Variants in ENPEP observed in about 807,000 individuals in gnomAD.
ENPEP encodes AP-A.
In ENPEP, 103 loss-of-function variants were observed where a neutral mutation model predicts 114.5. The ratio of observed to expected loss-of-function variants is 0.90; its 90% CI spans 0.77 to 1.06. The LOEUF is 1.06. ENPEP is among the 50% of genes least tolerant of loss of function. ENPEP has a pLI of 0.00. For missense variants in ENPEP, 1,196 were observed against 1,161.3 expected, an observed-to-expected ratio of 1.03 and a Z score of -0.43; for synonymous variants, 420 against 422.0, an observed-to-expected ratio of 1.00 and a Z score of 0.06.
intron 8 of ENPEP, chr4:110,519,363 T>C (rs1725897805): frequency 4.4e-6 from 1 of 225,206 alleles, no homozygotes; most frequent in Non-Finnish European, 9.2e-6. Flanking sequence ...AGGACAATTC[T>C]AGAAAGCAAC....
intron 3 of ENPEP, 142 bp downstream of exon 3, chr4:110,491,306 T>C: frequency 1.4e-6 from 1 of 704,634 alleles, no homozygotes; most frequent in Non-Finnish European, 2.2e-6. Flanking sequence ...GACTTGATAA[T>C]ACATAGAAAA....
At chr4:110,523,330 C>T (rs1306615459) in intron 10 of ENPEP, among the ~76,000 whole-genome samples, 1 of 152,120 alleles carries the variant, frequency 6.6e-6, no homozygotes, top group Non-Finnish European at 1.5e-5. Context: ...TGTAAAATGT[C>T]CCTCTCCCCC....
At chr4:110,499,992 T>C (rs1387184362) in intron 3 of ENPEP, 1 of 152,204 alleles carries the variant, frequency 6.6e-6, no homozygotes, top group African/African-American at 2.4e-5. Context: ...GTAATCATAA[T>C]ACTATCGCTG....
rs1423918856 is a variant in ENPEP, at chr4:110,562,496, G to A, written c.*938G>A. The A allele has an allele frequency of 6.6e-6, 1 of 152,142 alleles. No individual in the cohort carries two copies. The highest frequency in any genetic ancestry group is 1.5e-5 in the Non-Finnish European group (1 of 67,990). The allele number at this position is 152,142 out of a possible 1,614,324, so 9.4% of individuals were successfully genotyped here. On this transcript the variant is annotated 3_prime_UTR_variant, in exon 20 of 20. Transcript: ENST00000265162. ...TATTTCTTAAAACTAAATGGAATTA[G>A]AATTTAGCTTTGACCTCACCTAGCA... is the stretch of plus-strand genomic sequence containing the variant.
intron 18 of ENPEP, among the ~76,000 whole-genome samples, chr4:110,554,912 A>T (rs1727419789): frequency 6.6e-6 from 1 of 152,046 alleles, no homozygotes; most frequent in South Asian, 2.1e-4. Flanking sequence ...ATATTTCTCA[A>T]GGCCTATTTG....
At position 110,542,926 on chromosome 4, in the gene ENPEP, C is replaced by T. The variant is rs770997249; in HGVS notation, c.1944+39C>T. On this transcript the variant is annotated intron_variant, in intron 12 of 19. Transcript: ENST00000265162. ...ATGGTTGGAAACTTTTATTTTTGTT[C>T]TAAGAACAGCATCTTAATGATATTA... 3.1e-5 allele frequency: 50 copies of T among 1,610,360 alleles called. 1 individual carries two copies. The South Asian group carries it at 5.1e-4, about 16-fold the overall frequency.
chr4:110,493,747 C>A (rs560616285), intron 3 of ENPEP, among the ~76,000 whole-genome samples: 3 of 152,272 alleles, frequency 2.0e-5, no homozygotes, highest in Admixed American at 1.3e-4. Flanking sequence ...ATAGTTGACA[C>A]CCACCCAAGT....
At chr4:110,489,076 TG>T (rs1372847802) in intron 2 of ENPEP, among the ~76,000 whole-genome samples, 1 of 152,194 alleles carries the variant, frequency 6.6e-6, no homozygotes, top group African/African-American at 2.4e-5. Context: ...GTTTTTGTTT[TG>T]TTTTTTTGAA....
chr4:110,537,075 G>T (rs1364736637), intron 11 of ENPEP, among the ~76,000 whole-genome samples: 2 of 152,156 alleles, frequency 1.3e-5, no homozygotes, highest in Admixed American at 6.5e-5. Flanking sequence ...TCTTCAGCGA[G>T]TTGTAATCTT....
intron 10 of ENPEP, among the ~76,000 whole-genome samples, chr4:110,522,488 GT>G (rs936128805): frequency 4.6e-5 from 7 of 152,030 alleles, no homozygotes; most frequent in African/African-American, 1.7e-4. Flanking sequence ...GCCAATAGGC[GT>G]TCTTTAAAAG....
chr4:110,535,491 T>C (rs749606078), intron 11 of ENPEP, among the ~76,000 whole-genome samples: 4 of 152,238 alleles, frequency 2.6e-5, no homozygotes, highest in Non-Finnish European at 4.4e-5. Context: ...ATGGGTTCAG[T>C]TTTGCTGGTT....
At chr4:110,494,185 G>A (rs1254899740) in intron 3 of ENPEP, among the ~76,000 whole-genome samples, 2 of 152,150 alleles carry the variant, frequency 1.3e-5, no homozygotes, top group East Asian at 3.9e-4. Context: ...TGATCCCCAG[G>A]AACCTGTTTC....
chr4:110,562,271 T>C lies in ENPEP; in HGVS notation c.*713T>C, dbSNP rs1349508599. 2 of 152,180 alleles carry C rather than the reference T, an allele frequency of 1.3e-5. No homozygotes were observed. Among genetic ancestry groups the C allele is most frequent in the Non-Finnish European group, 1.5e-5 (1 of 68,006 alleles). The allele number at this position is 152,180 out of a possible 1,614,324, so 9.4% of individuals were successfully genotyped here. On this transcript the variant is annotated 3_prime_UTR_variant, in exon 20 of 20. Coordinates refer to ENST00000265162, the MANE Select transcript of ENPEP (RefSeq NM_001977.4). ...AAAAATAACTGCAGTGTTCCCCAAATAATTTAACACATTGCAAATATGATT... is the reference window on the plus strand; with the variant it reads ...AAAAATAACTGCAGTGTTCCCCAAACAATTTAACACATTGCAAATATGATT...
chr4:110,554,538 TGTGA>T (rs1727403022), intron 18 of ENPEP, among the ~76,000 whole-genome samples: 1 of 152,010 alleles, frequency 6.6e-6, no homozygotes, highest in South Asian at 2.1e-4. Flanking sequence ...TTGGTGTGCA[TGTGA>T]GTGTGTGTGT....
At chr4:110,553,737 T>C (rs980715898) in intron 18 of ENPEP, among the ~76,000 whole-genome samples, 2 of 152,058 alleles carry the variant, frequency 1.3e-5, no homozygotes, top group African/African-American at 4.8e-5. Context: ...GTTAATACAA[T>C]TCTGCCTGTT....
At chr4:110,526,547 G>T (rs1726202676) in intron 10 of ENPEP, among the ~76,000 whole-genome samples, 1 of 152,192 alleles carries the variant, frequency 6.6e-6, no homozygotes, top group Non-Finnish European at 1.5e-5. Context: ...GAGAGTGACT[G>T]GGAAAAGTGG....
At chr4:110,542,683 G>A (rs1726892633) in intron 11 of ENPEP, 68 bp from the exon 12 acceptor site, 2 of 1,410,518 alleles carry the variant, frequency 1.4e-6, no homozygotes, top group Admixed American at 2.4e-5. Flanking sequence ...TTGCCCTCTG[G>A]GTCTAATTTC....
chr4:110,556,534 G>T (rs1727479758), intron 18 of ENPEP, among the ~76,000 whole-genome samples: 1 of 151,490 alleles, frequency 6.6e-6, no homozygotes, highest in Admixed American at 6.6e-5. Flanking sequence ...CAATAGAATT[G>T]TTTCCCTACA....
At chr4:110,532,654 AT>A (rs911337724) in intron 11 of ENPEP, among the ~76,000 whole-genome samples, 2 of 151,186 alleles carry the variant, frequency 1.3e-5, no homozygotes, top group South Asian at 4.2e-4. Flanking sequence ...AGTTTTTGTG[AT>A]TTTTTTTTAC....
Sources: gnomAD v4.1 joint callset for allele counts (sites outside exome capture counted in the v4.1 genomes callset) on GRCh38, gnomAD v4.1.1 for gene constraint, MANE v1.5 for transcripts, NCBI Gene and HGNC (gene_info 2026-07-23, HGNC 2026-07-21) for gene names.